Variants in BTBD16 observed in about 807,000 individuals in gnomAD.
The protein encoded by BTBD16 is BTB domain containing 16.
Under a neutral mutation model 67.4 loss-of-function variants are expected in BTBD16, and 66 were observed. The ratio of observed to expected loss-of-function variants is 0.98; its 90% CI spans 0.80 to 1.20. The LOEUF (loss-of-function observed/expected upper bound fraction) is 1.20. Among genes scored for constraint, BTBD16 ranks in the 50% most tolerant of loss-of-function variants. BTBD16 has a pLI of 0.00. For missense variants in BTBD16, 634 were observed against 616.0 expected (o/e 1.03, Z -0.31); for synonymous variants, 242 against 236.4 (o/e 1.02, Z -0.22).
intron 7 of BTBD16, 105 bp downstream of exon 7, chr10:122,291,299 C>A (rs2096373688): frequency 2.2e-6 from 3 of 1,379,296 alleles, no homozygotes; most frequent in Admixed American, 2.7e-5. Context: ...GGCTAAGACA[C>A]CTCAGGTGTC....
chr10:122,335,222 G>A (rs557465921), intron 14 of BTBD16, among the ~76,000 whole-genome samples: 5 of 152,274 alleles, frequency 3.3e-5, no homozygotes, highest in East Asian at 1.9e-4. Context: ...GTGTTCATAT[G>A]GACTCTATTG....
intron 10 of BTBD16, among the ~76,000 whole-genome samples, chr10:122,320,803 T>C (rs2096434150): frequency 1.3e-5 from 2 of 152,200 alleles, no homozygotes; most frequent in South Asian, 4.1e-4. Flanking sequence ...TGATCTCTCT[T>C]GGTAAAAATT....
intron 3 of BTBD16, among the ~76,000 whole-genome samples, chr10:122,281,691 C>T (rs1273240664): frequency 1.3e-5 from 2 of 152,212 alleles, no homozygotes; most frequent in Non-Finnish European, 2.9e-5. Flanking sequence ...CTCTTTCACT[C>T]CTCCCTTCCT....
rs553414065 is a variant in BTBD16 at position 122,329,123 on chromosome 10, A to T, written c.912-357A>T. ...TCCTTGCCCCGTCTGCCCCACAAGA[A>T]GTTTGTGAGACTCAAGTGAGAAAAT... is the stretch of plus-strand genomic sequence containing the variant. On this transcript the variant is annotated intron_variant, in intron 10 of 15. Coordinates refer to ENST00000260723, the MANE Select transcript of BTBD16 (RefSeq NM_144587.5). Among the ~76,000 whole-genome samples the T allele has an allele frequency of 2.0e-5, 3 of 152,258 alleles. No homozygotes were observed. In the South Asian group the frequency reaches 6.2e-4, roughly 32 times the overall value.
chr10:122,301,190 A>G (rs1329632267), intron 9 of BTBD16, among the ~76,000 whole-genome samples: 1 of 152,158 alleles, frequency 6.6e-6, no homozygotes, highest in Non-Finnish European at 1.5e-5. Context: ...GGCATCCCTT[A>G]GACTTTTCAT....
intron 10 of BTBD16, among the ~76,000 whole-genome samples, chr10:122,317,256 T>C (rs2096426976): frequency 6.6e-6 from 1 of 152,232 alleles, no homozygotes; most frequent in Admixed American, 6.5e-5. Context: ...GTTATACAAG[T>C]GTACAAAAAT....
chr10:122,292,450 G>A (rs536702771), intron 7 of BTBD16, among the ~76,000 whole-genome samples: 1 of 152,376 alleles, frequency 6.6e-6, no homozygotes, highest in African/African-American at 2.4e-5. Context: ...CAGCTGCCAA[G>A]TAGAGAAGCC....
Position 122,320,744 on chromosome 10 carries a change from T to A in BTBD16, c.912-8736T>A, listed in dbSNP as rs555823640. Among the ~76,000 whole-genome samples the A allele has an allele frequency of 7.2e-5, 11 of 152,358 alleles. No individual in the cohort carries two copies. The Middle Eastern group carries it at 0.01, about 141-fold the overall frequency. ...TTGTTATCAGAGAAAATGCTTTGTA[T>A]GATTTTAGTTCTTTTAAATTATTGA... On this transcript the variant is annotated intron_variant, in intron 10 of 15. Coordinates refer to ENST00000260723, the MANE Select transcript of BTBD16 (RefSeq NM_144587.5).
At chr10:122,327,281 A>G (rs1052916168) in intron 10 of BTBD16, among the ~76,000 whole-genome samples, 4 of 152,200 alleles carry the variant, frequency 2.6e-5, no homozygotes, top group African/African-American at 7.2e-5. Flanking sequence ...GAGGGTGGCA[A>G]TGATGATGAA....
At chr10:122,284,358 A>G (rs544543000) in intron 4 of BTBD16, among the ~76,000 whole-genome samples, 40 of 152,232 alleles carry the variant, frequency 2.6e-4, no homozygotes, top group African/African-American at 9.6e-4. Context: ...CTGACGCAGG[A>G]GAATCACTTG....
chr10:122,308,088 C>A (rs929241060), intron 10 of BTBD16, among the ~76,000 whole-genome samples: 3 of 152,180 alleles, frequency 2.0e-5, no homozygotes, highest in Non-Finnish European at 4.4e-5. Context: ...ACACTTTTTC[C>A]AATGAGTCAT....
chr10:122,330,243 G>T (rs2096452934), intron 11 of BTBD16, among the ~76,000 whole-genome samples: 2 of 152,144 alleles, frequency 1.3e-5, no homozygotes, highest in African/African-American at 4.8e-5. Flanking sequence ...CAGCCAGGGG[G>T]CCGTGAATGT....
rs904934843 is a variant in BTBD16 at position 122,294,092 on chromosome 10, A to G, written c.590+2898A>G. The G allele has an allele frequency of 1.6e-5, 16 of 982,384 alleles. No homozygotes were observed. In the South Asian group the frequency reaches 2.4e-4, roughly 14 times the overall value. The allele number at this position is 982,384 out of a possible 1,614,324, so 60.9% of individuals were successfully genotyped here. ...GCCTGAAGCTGATGGGACCTGCCCA[A>G]GATTCTCCAGATAATTGTGGTGGGG... On this transcript the variant is annotated intron_variant, in intron 7 of 15. Transcript: ENST00000260723.
At chr10:122,326,039 GAA>G in intron 10 of BTBD16, among the ~76,000 whole-genome samples, 1 of 143,034 alleles carries the variant, frequency 7.0e-6, no homozygotes, top group Non-Finnish European at 1.5e-5. Context: ...TATATTTTGA[GAA>G]AAAAAAAAAG....
At chr10:122,306,343 T>C (rs535056279) in intron 9 of BTBD16, among the ~76,000 whole-genome samples, 32 of 152,222 alleles carry the variant, frequency 2.1e-4, no homozygotes, top group Non-Finnish European at 4.1e-4. Context: ...AGAAAATAAA[T>C]TCGTGTTGTT....
chr10:122,276,635 C>T (rs2096341132), intron 2 of BTBD16, 156 bp from the exon 3 acceptor site: 3 of 518,568 alleles, frequency 5.8e-6, no homozygotes, highest in Non-Finnish European at 7.4e-6. Context: ...GTGTCTTTGC[C>T]TTGAGTTGTC....
intron 9 of BTBD16, among the ~76,000 whole-genome samples, chr10:122,306,725 A>G (rs1373958869): frequency 6.6e-6 from 1 of 152,230 alleles, no homozygotes; most frequent in Non-Finnish European, 1.5e-5. Context: ...AGTGTAATAT[A>G]TTAGAATTAA....
chr10:122,282,042 C>G (rs894663973), intron 3 of BTBD16, among the ~76,000 whole-genome samples: 18 of 152,306 alleles, frequency 1.2e-4, no homozygotes, highest in Admixed American at 3.3e-4. Flanking sequence ...TTGGGAACAG[C>G]AGAGCCTACA....
intron 5 of BTBD16, among the ~76,000 whole-genome samples, chr10:122,287,164 A>G (rs2142060618): frequency 6.6e-6 from 1 of 152,288 alleles, no homozygotes; most frequent in African/African-American, 2.4e-5. Context: ...GCTCCTGCAG[A>G]ACTGCAACAA....
Sources: gnomAD v4.1 joint callset for allele counts (sites outside exome capture counted in the v4.1 genomes callset) on GRCh38, gnomAD v4.1.1 for gene constraint, MANE v1.5 for transcripts, NCBI Gene and HGNC (gene_info 2026-07-23, HGNC 2026-07-21) for gene names.